The following PLAG1 variants were observed in gnomAD, a reference collection of about 807,000 sequenced individuals.
PLAG1 encodes zinc finger protein PLAG1.
In PLAG1, 7 loss-of-function variants were observed where a neutral mutation model predicts 35.5. The ratio of observed to expected loss-of-function variants is 0.20; its 90% CI spans 0.11 to 0.37. PLAG1 has a LOEUF of 0.37. Among genes scored for constraint, PLAG1 ranks in the 10% least tolerant of loss-of-function variants. The pLI is 1.00. For missense variants in PLAG1, 454 were observed against 602.8 expected, an observed-to-expected ratio of 0.75 and a Z score of 2.58; for synonymous variants, 229 against 225.4, an observed-to-expected ratio of 1.02 and a Z score of -0.14.
intron 1 of PLAG1, among the ~76,000 whole-genome samples, chr8:56,185,363 TATCA>T (rs1199956091): frequency 6.6e-6 from 1 of 152,170 alleles, no homozygotes; most frequent in Non-Finnish European, 1.5e-5. Context: ...GTTTATACAA[TATCA>T]ATTATACCCC....
Position 56,163,769 on chromosome 8 carries a change from C to T in PLAG1, c.*2474G>A, listed in dbSNP as rs1484195551. The T allele has an allele frequency of 5.3e-6, 1 of 190,178 alleles. No individual in the cohort carries two copies. The highest frequency in any genetic ancestry group is 1.1e-5 in the Non-Finnish European group (1 of 90,432). The allele number at this position is 190,178 out of a possible 1,614,324, so 11.8% of individuals were successfully genotyped here. A position where few individuals can be genotyped will look rare whatever the true frequency, so the allele number is the denominator to read the frequency against. ...CTTTACTTAATAAATCCTGGTACTC[C>T]CTTTTTTAAATTAGCAGTGAATACA... On this transcript the variant is annotated 3_prime_UTR_variant, in exon 5 of 5. Coordinates refer to ENST00000316981, the MANE Select transcript of PLAG1 (RefSeq NM_002655.3).
At chr8:56,174,251 T>C (rs1045587944) in intron 2 of PLAG1, among the ~76,000 whole-genome samples, 1 of 152,172 alleles carries the variant, frequency 6.6e-6, no homozygotes, top group Non-Finnish European at 1.5e-5. Context: ...TTACCAGTTC[T>C]TAATATTGTA....
chr8:56,204,343 C>T (rs1812640382), intron 1 of PLAG1, among the ~76,000 whole-genome samples: 1 of 151,854 alleles, frequency 6.6e-6, no homozygotes, highest in South Asian at 2.1e-4. Flanking sequence ...CCGAGAAAAT[C>T]TGGTAGACTA....
intron 1 of PLAG1, among the ~76,000 whole-genome samples, chr8:56,190,497 A>G (rs992204938): frequency 6.6e-6 from 1 of 152,180 alleles, no homozygotes; most frequent in African/African-American, 2.4e-5. Flanking sequence ...ATTGAAAAGA[A>G]CTATTATACT....
chr8:56,204,685 A>G lies in PLAG1; in HGVS notation c.-322+6436T>C, dbSNP rs1159086982. ...ATATAGCACTTATTCTGAGAATATT[A>G]TCACATTCAGAAACAAAAAGATAGG... On this transcript the variant is annotated intron_variant, in intron 1 of 4. Coordinates refer to ENST00000316981, the MANE Select transcript of PLAG1 (RefSeq NM_002655.3). Among the ~76,000 whole-genome samples the G allele has an allele frequency of 5.9e-5, 9 of 152,064 alleles. No individual in the cohort carries two copies. The East Asian group carries it at 1.7e-3, about 29-fold the overall frequency.
chr8:56,195,559 G>A (rs1009376231), intron 1 of PLAG1, among the ~76,000 whole-genome samples: 1 of 152,228 alleles, frequency 6.6e-6, no homozygotes, highest in Non-Finnish European at 1.5e-5. Context: ...AGAGGCTGGG[G>A]TAGGGTGGTG....
At position 56,164,701 on chromosome 8, in the gene PLAG1, G is replaced by T; in HGVS notation, c.*1542C>A. On this transcript the variant is annotated 3_prime_UTR_variant, in exon 5 of 5. Transcript: ENST00000316981. ...AGGTTAATGTCCCAACTGACCCTTAGAAAAATATATTAATTAGACCTTTAA... is the reference window on the plus strand; with the variant it reads ...AGGTTAATGTCCCAACTGACCCTTATAAAAATATATTAATTAGACCTTTAA... The T allele has an allele frequency of 4.6e-6, 1 of 218,246 alleles. No homozygotes were observed. The highest frequency in any genetic ancestry group is 9.2e-6 in the Non-Finnish European group (1 of 108,434). The allele number at this position is 218,246 out of a possible 1,614,324, so 13.5% of individuals were successfully genotyped here.
In PLAG1 at chr8:56,161,330, T is replaced by C. The variant is rs145504313; in HGVS notation, c.*4913A>G. 1.0e-3 allele frequency: 217 copies of C among 211,748 alleles called. No homozygotes were observed. The highest frequency in any genetic ancestry group is 4.4e-3 in the African/African-American group (196 of 44,230). 13.1% of individuals were successfully genotyped at this position (211,748 alleles called of 1,614,324 possible). A position where few individuals can be genotyped will look rare whatever the true frequency, so the allele number is the denominator to read the frequency against. ...ATGCAGATTTTTTTCTTTTCTATTT[T>C]GACTCAAAACTTTATCATTAGAACA... On this transcript the variant is annotated 3_prime_UTR_variant, in exon 5 of 5. Transcript: ENST00000316981.
chr8:56,194,483 A>T (rs1485799553), intron 1 of PLAG1, among the ~76,000 whole-genome samples: 1 of 152,232 alleles, frequency 6.6e-6, no homozygotes, highest in African/African-American at 2.4e-5. Flanking sequence ...ATGGTGGCTC[A>T]TGCATGCAGT....
At chr8:56,200,242 T>C (rs913014051) in intron 1 of PLAG1, among the ~76,000 whole-genome samples, 2 of 152,208 alleles carry the variant, frequency 1.3e-5, no homozygotes, top group Admixed American at 6.5e-5. Context: ...TATGTGTCCA[T>C]TTCGTTAATG....
At chr8:56,175,634 C>T (rs1379967174) in intron 2 of PLAG1, among the ~76,000 whole-genome samples, 2 of 152,076 alleles carry the variant, frequency 1.3e-5, no homozygotes, top group East Asian at 3.8e-4. Flanking sequence ...AAATATAGTT[C>T]TAGGACATCT....
intron 2 of PLAG1, among the ~76,000 whole-genome samples, chr8:56,175,004 C>T (rs1811643564): frequency 6.6e-6 from 1 of 152,098 alleles, no homozygotes; most frequent in African/African-American, 2.4e-5. Flanking sequence ...TGAAACTAAT[C>T]CCTCATGGAT....
intron 1 of PLAG1, among the ~76,000 whole-genome samples, chr8:56,185,275 C>T (rs1436478746): frequency 2.0e-5 from 3 of 152,090 alleles, no homozygotes; most frequent in Non-Finnish European, 4.4e-5. Context: ...GATATGCTCA[C>T]TATGTTGACA....
intron 2 of PLAG1, among the ~76,000 whole-genome samples, chr8:56,178,454 AGATAGCTAAAATATTTACAGTATACT>A (rs1653303217): frequency 1.3e-5 from 2 of 152,228 alleles, no homozygotes; most frequent in African/African-American, 4.8e-5. Flanking sequence ...TATAGTATAC[AGATAGCTAAAATATTTACAGTATACT>A]GATAGCTAAA....
At chr8:56,205,275 C>A (rs2129235494) in intron 1 of PLAG1, among the ~76,000 whole-genome samples, 1 of 151,882 alleles carries the variant, frequency 6.6e-6, no homozygotes, top group East Asian at 1.9e-4. Flanking sequence ...CAGGACACTT[C>A]ACGAAGACAC....
intron 1 of PLAG1, among the ~76,000 whole-genome samples, chr8:56,208,697 A>G (rs1812767243): frequency 6.6e-6 from 1 of 152,210 alleles, no homozygotes; most frequent in Non-Finnish European, 1.5e-5. Flanking sequence ...AACACAAGTA[A>G]TTTCTACTGA....
At chr8:56,208,558 G>A (rs1220708428) in intron 1 of PLAG1, among the ~76,000 whole-genome samples, 2 of 152,052 alleles carry the variant, frequency 1.3e-5, no homozygotes, top group Non-Finnish European at 2.9e-5. Context: ...TTATACAGTA[G>A]GGCAAGAAAA....
rs1239643362 is a variant in PLAG1 at position 56,165,970 on chromosome 8, T to C, written c.*273A>G. 3 of 245,874 alleles carry C rather than the reference T, an allele frequency of 1.2e-5. No homozygotes were observed. Among genetic ancestry groups the C allele is most frequent in the Non-Finnish European group, 1.6e-5 (2 of 128,038 alleles). The allele number at this position is 245,874 out of a possible 1,614,324, so 15.2% of individuals were successfully genotyped here. The stretch of plus-strand genomic sequence containing the variant: ...AATGGGATTTGTAAAAGTTTACTAC[T>C]AATAATGGCTTTCCTATATGGAAAA... On this transcript the variant is annotated 3_prime_UTR_variant, in exon 5 of 5. Transcript: ENST00000316981.
intron 1 of PLAG1, among the ~76,000 whole-genome samples, chr8:56,199,717 A>G (rs1186316582): frequency 1.3e-5 from 2 of 149,708 alleles, no homozygotes; most frequent in East Asian, 3.9e-4. Flanking sequence ...ACTAGGCAGT[A>G]CGTCTCCACC....
Sources: gnomAD v4.1 joint callset for allele counts (sites outside exome capture counted in the v4.1 genomes callset) on GRCh38, gnomAD v4.1.1 for gene constraint, MANE v1.5 for transcripts, NCBI Gene and HGNC (gene_info 2026-07-23, HGNC 2026-07-21) for gene names.